Variants in CYB5R3 observed in about 807,000 individuals in gnomAD.
CYB5R3 encodes the protein cytochrome b5 reductase 3.
In CYB5R3, 28 loss-of-function variants were observed where a neutral mutation model predicts 36.5. The observed-to-expected ratio is 0.77, with a 90% CI of 0.57 to 1.05. The LOEUF (loss-of-function observed/expected upper bound fraction) is 1.05. CYB5R3 is among the 50% of genes least tolerant of loss of function. CYB5R3 has a pLI of 0.00. For missense variants in CYB5R3, 474 were observed against 408.9 expected (o/e 1.16, Z -1.37); for synonymous variants, 181 against 159.8 (o/e 1.13, Z -1.00).
chr22:42,647,058 G>T, intron 1 of CYB5R3: 1 of 809,854 alleles, frequency 1.2e-6, no homozygotes, highest in Non-Finnish European at 1.5e-6. Flanking sequence ...CATGGGGCCT[G>T]CATGTCTTAG....
intron 2 of CYB5R3, among the ~76,000 whole-genome samples, chr22:42,636,438 G>T (rs530896528): frequency 6.6e-6 from 1 of 152,302 alleles, no homozygotes; most frequent in African/African-American, 2.4e-5. Flanking sequence ...ATAAATGGGG[G>T]ATTGAACCTA....
chr22:42,640,552 T>A (rs1929205328), intron 1 of CYB5R3: 1 of 171,598 alleles, frequency 5.8e-6, no homozygotes, highest in Admixed American at 6.3e-5. Context: ...CTAATTTTTG[T>A]ACTTTTAGTA....
At chr22:42,621,931 G>T (rs1225353762) in intron 8 of CYB5R3, among the ~76,000 whole-genome samples, 5 of 152,220 alleles carry the variant, frequency 3.3e-5, no homozygotes, top group Admixed American at 1.3e-4. Context: ...AGGATAAAAC[G>T]CTCTTTTCTT....
intron 4 of CYB5R3, among the ~76,000 whole-genome samples, chr22:42,630,277 C>T (rs1373939220): frequency 6.6e-6 from 1 of 152,178 alleles, no homozygotes; most frequent in East Asian, 1.9e-4. Flanking sequence ...CACCCCAGCT[C>T]CCAGACAACA....
intron 1 of CYB5R3, among the ~76,000 whole-genome samples, chr22:42,648,962 A>G (rs1929648075): frequency 6.6e-6 from 1 of 152,158 alleles, no homozygotes; most frequent in African/African-American, 2.4e-5. Context: ...TCAGCGGCAC[A>G]CACGCTCACA....
chr22:42,644,652 C>G, intron 1 of CYB5R3: 2 of 1,422,692 alleles, frequency 1.4e-6, no homozygotes, highest in East Asian at 2.5e-5. Flanking sequence ...CCTCTGCTAT[C>G]GACCTCTCCC....
chr22:42,647,136 A>C, intron 1 of CYB5R3: 1 of 226,140 alleles, frequency 4.4e-6, no homozygotes, highest in Non-Finnish European at 7.4e-6. Context: ...GTAAGCCAGG[A>C]GGCCTGGCTC....
At chr22:42,625,592 G>A (rs1360342926) in intron 7 of CYB5R3, among the ~76,000 whole-genome samples, 1 of 152,136 alleles carries the variant, frequency 6.6e-6, no homozygotes, top group Non-Finnish European at 1.5e-5. Flanking sequence ...CCTTTGAGGT[G>A]GCCACCGCCG....
At chr22:42,623,458 G>A (rs1415351000) in intron 8 of CYB5R3, among the ~76,000 whole-genome samples, 2 of 152,356 alleles carry the variant, frequency 1.3e-5, no homozygotes, top group East Asian at 1.9e-4. Flanking sequence ...AGCCGCCACC[G>A]CTGCCCCGAG....
At chr22:42,627,096 C>A (rs532694856) in intron 7 of CYB5R3, among the ~76,000 whole-genome samples, 3 of 152,180 alleles carry the variant, frequency 2.0e-5, no homozygotes, top group African/African-American at 7.2e-5. Context: ...AAGGCAGCCC[C>A]CTCAGCCAGA....
chr22:42,645,552 A>G (rs547819352), intron 1 of CYB5R3, among the ~76,000 whole-genome samples: 4 of 152,266 alleles, frequency 2.6e-5, no homozygotes, highest in Admixed American at 1.3e-4. Context: ...ACTGCTCAGA[A>G]GGCCAGGCTC....
intron 4 of CYB5R3, among the ~76,000 whole-genome samples, chr22:42,629,780 CCT>C (rs1252898987): frequency 6.6e-6 from 1 of 152,140 alleles, no homozygotes; most frequent in Non-Finnish European, 1.5e-5. Context: ...TGCTTCTCAC[CCT>C]CTGTTCTGCA....
At chr22:42,628,583 G>A (rs568686765) in intron 4 of CYB5R3, among the ~76,000 whole-genome samples, 1 of 152,250 alleles carries the variant, frequency 6.6e-6, no homozygotes, top group Non-Finnish European at 1.5e-5. Context: ...CTGTCTCTGG[G>A]GCCCCCTCCC....
At chr22:42,628,041 G>A (rs1048356084) in intron 5 of CYB5R3, 111 bp downstream of exon 5, 23 of 1,464,802 alleles carry the variant, frequency 1.6e-5, no homozygotes, top group African/African-American at 4.2e-5. Flanking sequence ...CTGGCCTGAC[G>A]AGAGTCACCC....
rs6002846 is a variant in CYB5R3, at chr22:42,644,634, C to T, written c.21+4661G>A. The T allele has an allele frequency of 3.2e-3, 4,642 of 1,441,572 alleles. 107 individuals carry two copies. The African/African-American group carries it at 0.057, about 18-fold the overall frequency. 89.3% of individuals were successfully genotyped at this position (1,441,572 alleles called of 1,614,324 possible). On this transcript the variant is annotated intron_variant, in intron 1 of 8. Transcript: ENST00000352397. The stretch of plus-strand genomic sequence containing the variant: ...AAACTCCCTGGGGCAAGTACTATTC[C>T]GAGGATTCCTCTGCTATCGACCTCT...
intron 8 of CYB5R3, 130 bp downstream of exon 8, chr22:42,623,659 C>G: frequency 1.3e-6 from 1 of 744,950 alleles, no homozygotes; most frequent in Non-Finnish European, 2.3e-6. Context: ...GGGGCCACAC[C>G]ACCTGCCTCC....
intron 8 of CYB5R3, among the ~76,000 whole-genome samples, chr22:42,622,770 T>C (rs1199034645): frequency 3.3e-5 from 5 of 152,130 alleles, no homozygotes; most frequent in African/African-American, 9.7e-5. Flanking sequence ...CAGCAGAGGG[T>C]GTGCGCCCCC....
intron 1 of CYB5R3, among the ~76,000 whole-genome samples, chr22:42,637,925 C>T (rs1236074930): frequency 6.6e-6 from 1 of 152,174 alleles, no homozygotes; most frequent in Non-Finnish European, 1.5e-5. Flanking sequence ...CCTCCCCAGC[C>T]CCTGCCCCCG....
At chr22:42,624,254 G>A (rs1928146313) in intron 7 of CYB5R3, among the ~76,000 whole-genome samples, 1 of 152,228 alleles carries the variant, frequency 6.6e-6, no homozygotes, top group South Asian at 2.1e-4. Flanking sequence ...ATACTCCAGG[G>A]GGTCAGCCCG....
Sources: allele counts gnomAD v4.1 joint callset (sites outside exome capture counted in the v4.1 genomes callset), GRCh38; gene constraint gnomAD v4.1.1; transcripts MANE v1.5; gene names NCBI Gene and HGNC (gene_info 2026-07-23, HGNC 2026-07-21).